Variants in KALRN observed in about 807,000 individuals in gnomAD.
KALRN encodes the protein kalirin RhoGEF kinase, also known as kalirin.
Under a neutral mutation model 353.7 loss-of-function variants are expected in KALRN, and 70 were observed. The observed-to-expected ratio is 0.20, with a 90% CI of 0.16 to 0.24. The LOEUF (loss-of-function observed/expected upper bound fraction) is 0.24, where lower values mean the gene tolerates loss of function less well. Ranked by LOEUF, KALRN falls within the 10% of genes least tolerant of loss-of-function variation. The pLI, the probability that KALRN is intolerant of heterozygous loss-of-function variation, is 1.00. For missense variants in KALRN, 2,791 were observed against 3,756.7 expected, an observed-to-expected ratio of 0.74 and a Z score of 6.72; for synonymous variants, 1,391 against 1,434.8, an observed-to-expected ratio of 0.97 and a Z score of 0.69.
At chr3:124,148,158 G>A (rs906915275) in intron 1 of KALRN, among the ~76,000 whole-genome samples, 8 of 152,180 alleles carry the variant, frequency 5.3e-5, no homozygotes, top group Admixed American at 3.9e-4. Context: ...TACTGGTTGT[G>A]TTTAGTCAGT....
intron 1 of KALRN, among the ~76,000 whole-genome samples, chr3:124,191,850 A>G (rs908007157): frequency 6.6e-6 from 1 of 152,188 alleles, no homozygotes; most frequent in Non-Finnish European, 1.5e-5. Context: ...CCATTGGTCA[A>G]TGAAGCCACC....
intron 13 of KALRN, among the ~76,000 whole-genome samples, chr3:124,411,433 C>T (rs1249318649): frequency 7.2e-4 from 37 of 51,498 alleles, no homozygotes; most frequent in South Asian, 2.5e-3. Context: ...TTAAATTATG[C>T]TTTTTTTTTT....
At chr3:124,599,131 G>A (rs548999063) in intron 34 of KALRN, among the ~76,000 whole-genome samples, 2 of 152,314 alleles carry the variant, frequency 1.3e-5, no homozygotes, top group African/African-American at 2.4e-5. Flanking sequence ...CTTCTGGCCC[G>A]CAAGTGGGTA....
intron 1 of KALRN, among the ~76,000 whole-genome samples, chr3:124,132,163 A>C (rs2065370347): frequency 6.6e-6 from 1 of 152,102 alleles, no homozygotes; most frequent in Admixed American, 6.5e-5. Flanking sequence ...TCAACAACCC[A>C]GTATCTCTTT....
At position 124,462,584 on chromosome 3, in the gene KALRN, G is replaced by C; in HGVS notation, c.3982G>C (p.Glu1328Gln). The change falls in exon 25 of 60, where the codon GAG becomes CAG. Residue 1328 changes from glutamate (E) to glutamine (Q), a missense_variant. This residue lies in a region of KALRN where 268 missense variants were observed against 347.0 expected (regional missense o/e 0.77). Transcript: ENST00000682506. Reference protein sequence around the residue: ...EEIPPGILNKEHIIFGNIQEI... With the variant: ...EEIPPGILNKQHIIFGNIQEI... ...GATCCCCCCTGGGATCCTCAATAAAGAGCATATCATCTTTGGCAACATCCA... is the reference window on the plus strand; with the variant it reads ...GATCCCCCCTGGGATCCTCAATAAACAGCATATCATCTTTGGCAACATCCA... The C allele has an allele frequency of 1.2e-6, 2 of 1,613,028 alleles. No homozygotes were observed. Among genetic ancestry groups the C allele is most frequent in the South Asian group, 1.1e-5 (1 of 91,022 alleles).
At chr3:124,305,039 T>C (rs1165662762) in intron 6 of KALRN, among the ~76,000 whole-genome samples, 5 of 152,164 alleles carry the variant, frequency 3.3e-5, no homozygotes, top group Non-Finnish European at 7.3e-5. Flanking sequence ...CTGAGGCTAT[T>C]CATCTCACTC....
intron 1 of KALRN, among the ~76,000 whole-genome samples, chr3:124,177,283 G>T (rs1353106078): frequency 1.3e-5 from 2 of 152,178 alleles, no homozygotes; most frequent in South Asian, 2.1e-4. Flanking sequence ...CAAGACTATT[G>T]CTTGGCAAGT....
At chr3:124,669,397 T>C (rs73195546) in intron 47 of KALRN, among the ~76,000 whole-genome samples, 4,248 of 152,284 alleles carry the variant, frequency 0.028, 81 homozygotes, top group East Asian at 0.079. Context: ...ATTCTGAGAA[T>C]TAAGTTATGC....
chr3:124,662,246 G>C (rs2150244590), intron 45 of KALRN, among the ~76,000 whole-genome samples: 1 of 138,460 alleles, frequency 7.2e-6, no homozygotes, highest in African/African-American at 2.8e-5. Flanking sequence ...CTGTCACCCA[G>C]GCTGGAGTGC....
intron 1 of KALRN, among the ~76,000 whole-genome samples, chr3:124,211,694 T>C (rs1298355141): frequency 1.3e-5 from 2 of 152,156 alleles, no homozygotes; most frequent in Non-Finnish European, 2.9e-5. Flanking sequence ...GGAGTCTTCA[T>C]CGCTGCATGA....
At chr3:124,232,360 C>G (rs555378752) in intron 2 of KALRN, among the ~76,000 whole-genome samples, 1 of 152,300 alleles carries the variant, frequency 6.6e-6, no homozygotes, top group East Asian at 1.9e-4. Context: ...GTACCCTAAG[C>G]CTACCCTGAC....
At chr3:124,083,303 T>C (rs2060637432) in intron 1 of KALRN, among the ~76,000 whole-genome samples, 1 of 152,108 alleles carries the variant, frequency 6.6e-6, no homozygotes, top group Non-Finnish European at 1.5e-5. Context: ...GACATTAATA[T>C]GGTGTTGAAA....
chr3:124,315,709 G>A (rs537962235), intron 6 of KALRN, among the ~76,000 whole-genome samples: 27 of 151,820 alleles, frequency 1.8e-4, no homozygotes, highest in African/African-American at 4.1e-4. Flanking sequence ...CTTGTTCTCC[G>A]TCAGGTCTGC....
At chr3:124,485,088 T>A (rs1473512969) in intron 28 of KALRN, among the ~76,000 whole-genome samples, 1 of 152,148 alleles carries the variant, frequency 6.6e-6, no homozygotes, top group Non-Finnish European at 1.5e-5. Context: ...AGGGTGAGAC[T>A]CCGTCTCAAA....
At chr3:124,165,340 A>G (rs2070660921) in intron 1 of KALRN, among the ~76,000 whole-genome samples, 1 of 151,962 alleles carries the variant, frequency 6.6e-6, no homozygotes, top group African/African-American at 2.4e-5. Flanking sequence ...AAAGCTTTTC[A>G]ATATGCCAGT....
chr3:124,254,266 C>T (rs2071588132), intron 3 of KALRN, among the ~76,000 whole-genome samples: 1 of 152,090 alleles, frequency 6.6e-6, no homozygotes, highest in Admixed American at 6.5e-5. Context: ...CAACTAGATG[C>T]CTGGCCCAAA....
chr3:124,141,331 T>G (rs2066599258), intron 1 of KALRN, among the ~76,000 whole-genome samples: 1 of 152,168 alleles, frequency 6.6e-6, no homozygotes, highest in African/African-American at 2.4e-5. Flanking sequence ...CACAACTCCC[T>G]AGCCTCGCCC....
intron 33 of KALRN, among the ~76,000 whole-genome samples, chr3:124,512,932 A>G (rs906968912): frequency 1.3e-5 from 2 of 152,218 alleles, no homozygotes; most frequent in Non-Finnish European, 2.9e-5. Context: ...CCAGAAAGGA[A>G]CAAGATTATC....
intron 29 of KALRN, among the ~76,000 whole-genome samples, chr3:124,489,416 T>A (rs2062902470): frequency 6.6e-6 from 1 of 152,204 alleles, no homozygotes; most frequent in South Asian, 2.1e-4. Flanking sequence ...TTTTCTCTTC[T>A]GGACTCCATC....
Sources: gnomAD v4.1 joint callset for allele counts (sites outside exome capture counted in the v4.1 genomes callset) on GRCh38, gnomAD v4.1.1 for gene constraint, gnomAD v4.1.1 regional missense constraint, MANE v1.5 for transcripts, NCBI Gene and HGNC (gene_info 2026-07-23, HGNC 2026-07-21) for gene names.